PRKCH: variants seen among roughly 807,000 people sequenced by gnomAD.
PRKCH encodes the protein protein kinase C eta.
A neutral mutation model predicts 82.5 loss-of-function variants in PRKCH; 28 were observed. That is an observed-to-expected ratio of 0.34 (90% confidence interval 0.25 to 0.47). The LOEUF (loss-of-function observed/expected upper bound fraction) is 0.47. Among genes scored for constraint, PRKCH ranks in the 20% least tolerant of loss-of-function variants. The probability of loss-of-function intolerance (pLI) is 1.00; values close to 1 mark genes in which losing one functional copy is unlikely to be tolerated. For synonymous variants in PRKCH, 322 were observed against 327.4 expected (o/e 0.98, Z 0.18); for missense variants, 705 against 881.8 (o/e 0.80, Z 2.54).
At chr14:61,495,123 A>G (rs937602066) in intron 10 of PRKCH, among the ~76,000 whole-genome samples, 1 of 152,230 alleles carries the variant, frequency 6.6e-6, no homozygotes, top group Non-Finnish European at 1.5e-5. Context: ...AGGAGATTCA[A>G]GAACCTTTTC....
At chr14:61,460,513 A>T (rs1346564720) in intron 9 of PRKCH, among the ~76,000 whole-genome samples, 1 of 152,210 alleles carries the variant, frequency 6.6e-6, no homozygotes, top group Non-Finnish European at 1.5e-5. Flanking sequence ...CATGTACCAC[A>T]CATTGTTCTA....
chr14:61,449,817 C>T (rs937788214), intron 5 of PRKCH, among the ~76,000 whole-genome samples: 3 of 151,648 alleles, frequency 2.0e-5, no homozygotes, highest in Admixed American at 6.6e-5. Flanking sequence ...AAAAAGATTG[C>T]TGGCTTTCTC....
intron 2 of PRKCH, among the ~76,000 whole-genome samples, chr14:61,391,917 A>G (rs1253249059): frequency 6.6e-6 from 1 of 152,116 alleles, no homozygotes; most frequent in Admixed American, 6.6e-5. Context: ...CCCTTTTTCA[A>G]TCCCCTGCTC....
chr14:61,524,407 T>C (rs2042941871), intron 10 of PRKCH, among the ~76,000 whole-genome samples: 1 of 152,252 alleles, frequency 6.6e-6, no homozygotes. Context: ...TAAATACCGG[T>C]GCTCAATGAG....
At chr14:61,538,523 T>G (rs966551143) in intron 12 of PRKCH, among the ~76,000 whole-genome samples, 4 of 152,240 alleles carry the variant, frequency 2.6e-5, no homozygotes, top group African/African-American at 9.6e-5. Flanking sequence ...GTCCTTACAT[T>G]TTGATAGCAG....
chr14:61,360,802 A>G (rs530338025), intron 1 of PRKCH, among the ~76,000 whole-genome samples: 1 of 152,212 alleles, frequency 6.6e-6, no homozygotes, highest in African/African-American at 2.4e-5. Context: ...AGGAAGTTCT[A>G]GCTATCTGGT....
At chr14:61,548,105 T>C (rs2043282883) in intron 13 of PRKCH, among the ~76,000 whole-genome samples, 1 of 152,156 alleles carries the variant, frequency 6.6e-6, no homozygotes, top group African/African-American at 2.4e-5. Flanking sequence ...GTTTCACCCC[T>C]CGTTTACCCA....
intron 5 of PRKCH, 34 bp downstream of exon 5, chr14:61,449,286 G>A (rs780514869): frequency 2.1e-5 from 33 of 1,542,218 alleles, no homozygotes; most frequent in Middle Eastern, 3.4e-4. Context: ...TTAAATGTGC[G>A]TGTGTATTGT....
chr14:61,256,273 T>C lies in PRKCH; in HGVS notation c.-19+68605T>C, dbSNP rs150317874. 7.9e-5 allele frequency among the ~76,000 whole-genome samples: 12 copies of C among 152,194 alleles called. 1 individual carries two copies. In the East Asian group the frequency reaches 2.1e-3, roughly 27 times the overall value. On this transcript the variant is annotated intron_variant, in intron 1 of 3. Coordinates refer to the PRKCH transcript ENST00000555185. ...CCAAATGAATCATACAAAAAGGTGG[T>C]CTATTTTTATTTGGTATCCTTTTCT...
rs527650751 is a variant in PRKCH at position 61,354,920 on chromosome 14, A to T, written c.363+32456A>T. Among the ~76,000 whole-genome samples, 18 of 152,350 alleles carry T rather than the reference A, an allele frequency of 1.2e-4. No homozygotes were observed. In the East Asian group the frequency reaches 3.3e-3, roughly 28 times the overall value. On this transcript the variant is annotated intron_variant, in intron 1 of 13. Transcript: ENST00000332981. ...TGGTACCCTCAGTACCTGGGACATT[A>T]TGTCTGGCATATACCAGGCACAGAA...
rs1421877138 is a variant in PRKCH, at chr14:61,226,724, C to T, written c.-19+39056C>T. On this transcript the variant is annotated intron_variant, in intron 1 of 3. Transcript: ENST00000555185. Reference sequence around the variant, plus strand: ...GGGTTCTCTTAATCATGAAGGCAAACATTTGAGCATTCAGTCGTTCCTAAC... The same window carrying T: ...GGGTTCTCTTAATCATGAAGGCAAATATTTGAGCATTCAGTCGTTCCTAAC... Among the ~76,000 whole-genome samples, 8 of 152,314 alleles carry T rather than the reference C, an allele frequency of 5.3e-5. No homozygotes were observed. The East Asian group carries it at 1.4e-3, about 26-fold the overall frequency.
chr14:61,399,292 AT>A (rs2140214706), intron 2 of PRKCH, among the ~76,000 whole-genome samples: 1 of 152,356 alleles, frequency 6.6e-6, no homozygotes, highest in South Asian at 2.1e-4. Context: ...AATTTCAAGA[AT>A]ATCTGCTTCT....
chr14:61,312,605 G>A (rs1018210621), intron 1 of PRKCH, among the ~76,000 whole-genome samples: 1 of 152,100 alleles, frequency 6.6e-6, no homozygotes, highest in Non-Finnish European at 1.5e-5. Flanking sequence ...ACATGGCTGG[G>A]GAGGCCTCTC....
At chr14:61,444,934 C>G (rs1884149904) in intron 3 of PRKCH, among the ~76,000 whole-genome samples, 1 of 152,182 alleles carries the variant, frequency 6.6e-6, no homozygotes, top group Non-Finnish European at 1.5e-5. Context: ...AACTGTGGCT[C>G]AAAGCATCAG....
upstream of PRKCH, among the ~76,000 whole-genome samples, chr14:61,320,237 G>A (rs982126508): frequency 6.6e-6 from 1 of 152,164 alleles, no homozygotes; most frequent in African/African-American, 2.4e-5. Context: ...AGAAAGGAAT[G>A]AAAGCAAGCC....
chr14:61,547,117 G>T (rs1053049589), intron 12 of PRKCH, among the ~76,000 whole-genome samples: 1 of 152,202 alleles, frequency 6.6e-6, no homozygotes, highest in African/African-American at 2.4e-5. Context: ...AACAGCAGTG[G>T]TGGGGGGAAC....
chr14:61,512,951 G>C (rs2042767595), intron 10 of PRKCH, among the ~76,000 whole-genome samples: 1 of 151,930 alleles, frequency 6.6e-6, no homozygotes, highest in African/African-American at 2.4e-5. Flanking sequence ...CAAGTAGCTG[G>C]GACTACAGGT....
At chr14:61,504,087 A>G (rs1156340734) in intron 10 of PRKCH, among the ~76,000 whole-genome samples, 1 of 152,182 alleles carries the variant, frequency 6.6e-6, no homozygotes, top group Non-Finnish European at 1.5e-5. Flanking sequence ...TACCTGTTGC[A>G]GAGGTAGGTC....
At chr14:61,190,930 A>C (rs2044403388) in intron 1 of PRKCH, among the ~76,000 whole-genome samples, 1 of 152,220 alleles carries the variant, frequency 6.6e-6, no homozygotes, top group Non-Finnish European at 1.5e-5. Flanking sequence ...CAAATGAATG[A>C]ACCCACAATT....
Sources: gnomAD v4.1 joint callset for allele counts (sites outside exome capture counted in the v4.1 genomes callset) on GRCh38, gnomAD v4.1.1 for gene constraint, MANE v1.5 for transcripts, NCBI Gene and HGNC (gene_info 2026-07-23, HGNC 2026-07-21) for gene names.